Variants in CATSPERB observed in about 807,000 individuals in gnomAD.
CATSPERB encodes cation channel sperm-associated auxiliary subunit beta.
A neutral mutation model predicts 128.3 loss-of-function variants in CATSPERB; 93 were observed. That is an observed-to-expected ratio of 0.72 (90% CI 0.61 to 0.86). The LOEUF is 0.86. Among genes scored for constraint, CATSPERB ranks in the 40% least tolerant of loss-of-function variants. The pLI, the probability that CATSPERB is intolerant of heterozygous loss-of-function variation, is 0.00. For missense variants in CATSPERB, 1,153 were observed against 1,329.5 expected, an observed-to-expected ratio of 0.87 and a Z score of 2.06; for synonymous variants, 381 against 448.8, an observed-to-expected ratio of 0.85 and a Z score of 1.91.
intron 21 of CATSPERB, among the ~76,000 whole-genome samples, chr14:91,608,635 T>A (rs1021897072): frequency 4.9e-5 from 1 of 20,526 alleles, no homozygotes; most frequent in Admixed American, 5.9e-4. Context: ...ATAAAGTCAA[T>A]GCAATTAAAG....
intron 5 of CATSPERB, among the ~76,000 whole-genome samples, chr14:91,714,277 C>CAAAAAAAAAA (rs35951126): frequency 3.8e-4 from 42 of 111,244 alleles, no homozygotes; most frequent in Non-Finnish European, 5.3e-4. Context: ...TACAATAAGG[C>CAAAAAAAAAA]AAAAAAAAAA....
intron 11 of CATSPERB, among the ~76,000 whole-genome samples, chr14:91,679,163 G>A (rs1895239773): frequency 6.6e-6 from 1 of 152,114 alleles, no homozygotes; most frequent in Admixed American, 6.5e-5. Context: ...AACGGGTTAT[G>A]ATGTGGGAAA....
At chr14:91,662,781 T>C (rs1236786990) in intron 14 of CATSPERB, among the ~76,000 whole-genome samples, 1 of 152,248 alleles carries the variant, frequency 6.6e-6, no homozygotes, top group African/African-American at 2.4e-5. Context: ...GATTTGTATT[T>C]CCCTGATTGC....
chr14:91,709,023 A>T (rs1250839606), intron 5 of CATSPERB: 6 of 152,422 alleles, frequency 3.9e-5, no homozygotes, highest in Non-Finnish European at 8.8e-5. Context: ...ACTCATGAAG[A>T]ACACACCTGG....
rs139147533 is a variant in CATSPERB, at chr14:91,718,942, TACTC to T, written c.370+472_370+475del. The stretch of plus-strand genomic sequence containing the variant: ...CTACTAGGTCAGTTCACTAGATCAA[TACTC>T]ACAGTTCCTGGAATTTGACTTTTCT... On this transcript the variant is annotated intron_variant, in intron 5 of 26. Coordinates refer to ENST00000256343, the MANE Select transcript of CATSPERB (RefSeq NM_024764.4). Among the ~76,000 whole-genome samples, 790 of 152,338 alleles carry T rather than the reference TACTC, an allele frequency of 5.2e-3. 7 individuals carry two copies. The highest frequency in any genetic ancestry group is 0.018 in the African/African-American group (738 of 41,572).
intron 15 of CATSPERB, among the ~76,000 whole-genome samples, chr14:91,658,553 T>C (rs1193142269): frequency 6.6e-6 from 1 of 150,396 alleles, no homozygotes. Context: ...ATAATTTGAA[T>C]GTTTGTAACA....
intron 5 of CATSPERB, among the ~76,000 whole-genome samples, chr14:91,716,903 T>C (rs1895953282): frequency 6.6e-6 from 1 of 152,202 alleles, no homozygotes. Flanking sequence ...TACTACTTGG[T>C]ATTAGCTAAA....
chr14:91,659,278 CATGA>C (rs1348443431), intron 15 of CATSPERB, among the ~76,000 whole-genome samples: 4 of 152,012 alleles, frequency 2.6e-5, no homozygotes, highest in Non-Finnish European at 5.9e-5. Flanking sequence ...CTTTGTACCC[CATGA>C]ATATGTAAAA....
intron 9 of CATSPERB, among the ~76,000 whole-genome samples, chr14:91,692,447 T>C (rs1595181143): frequency 6.6e-6 from 1 of 152,182 alleles, no homozygotes; most frequent in Non-Finnish European, 1.5e-5. Flanking sequence ...CCAGATCCCC[T>C]AGTCATCTGA....
chr14:91,655,994 C>A (rs1176136279), intron 15 of CATSPERB, among the ~76,000 whole-genome samples: 1 of 152,120 alleles, frequency 6.6e-6, no homozygotes, highest in African/African-American at 2.4e-5. Context: ...ATATCTGGCA[C>A]AGGCTTTTCA....
At chr14:91,652,721 G>GC (rs1156277964) in intron 15 of CATSPERB, among the ~76,000 whole-genome samples, 4 of 148,854 alleles carry the variant, frequency 2.7e-5, no homozygotes, top group African/African-American at 9.9e-5. Context: ...GCAGCAAGAG[G>GC]CAAGAGGGAG....
At chr14:91,676,951 T>C (rs1029125877) in intron 11 of CATSPERB, among the ~76,000 whole-genome samples, 8 of 152,116 alleles carry the variant, frequency 5.3e-5, no homozygotes, top group African/African-American at 1.9e-4. Context: ...TCGAAAAACC[T>C]GAGAAAAACA....
intron 7 of CATSPERB, among the ~76,000 whole-genome samples, chr14:91,700,974 G>A (rs1023387961): frequency 2.0e-5 from 3 of 152,056 alleles, no homozygotes; most frequent in Non-Finnish European, 4.4e-5. Flanking sequence ...TAAAATAAAA[G>A]TTGCAATTAT....
intron 22 of CATSPERB, chr14:91,592,211 G>T (rs1248858882): frequency 1.8e-6 from 1 of 555,264 alleles, no homozygotes; most frequent in Non-Finnish European, 3.2e-6. Flanking sequence ...TTGAACCCAA[G>T]TATTACTCAG....
At chr14:91,652,071 A>T (rs1402615544) in intron 15 of CATSPERB, among the ~76,000 whole-genome samples, 1 of 152,206 alleles carries the variant, frequency 6.6e-6, no homozygotes, top group African/African-American at 2.4e-5. Flanking sequence ...TGCTAACCAT[A>T]AAAGGAAAGA....
chr14:91,596,825 A>G (rs1893514416), intron 22 of CATSPERB, among the ~76,000 whole-genome samples: 1 of 152,186 alleles, frequency 6.6e-6, no homozygotes, highest in South Asian at 2.1e-4. Flanking sequence ...AAGCCAAGTT[A>G]TGTCATTTTT....
At chr14:91,729,285 T>C (rs1896172073) in intron 2 of CATSPERB, 116 bp downstream of exon 2, 1 of 478,638 alleles carries the variant, frequency 2.1e-6, no homozygotes, top group Non-Finnish European at 3.7e-6. Context: ...GGGAAACAAT[T>C]GGAAGATAAG....
intron 7 of CATSPERB, among the ~76,000 whole-genome samples, chr14:91,699,637 G>A (rs895300179): frequency 4.0e-5 from 6 of 150,928 alleles, no homozygotes; most frequent in African/African-American, 1.2e-4. Flanking sequence ...GCAATGGCGC[G>A]GTCTCGGCTC....
intron 20 of CATSPERB, among the ~76,000 whole-genome samples, 197 bp downstream of exon 20, chr14:91,617,400 T>C (rs1261777978): frequency 3.3e-5 from 5 of 152,220 alleles, no homozygotes; most frequent in African/African-American, 1.2e-4. Flanking sequence ...ACTAAAAATA[T>C]TATGTAGGAC....
Sources: allele counts gnomAD v4.1 joint callset (sites outside exome capture counted in the v4.1 genomes callset), GRCh38; gene constraint gnomAD v4.1.1; transcripts MANE v1.5; gene names NCBI Gene and HGNC (gene_info 2026-07-23, HGNC 2026-07-21).